MEIKIN: variants seen among roughly 807,000 people sequenced by gnomAD.
MEIKIN encodes meiotic kinetochore factor.
intron 2 of MEIKIN, 78 bp from the exon 3 acceptor site, chr5:131,944,830 T>C (rs890236195): frequency 2.5e-6 from 1 of 398,992 alleles, no homozygotes; most frequent in Non-Finnish European, 4.4e-6. Context: ...CTTTAGAATC[T>C]GAAAGGCTCT....
At chr5:131,845,406 C>T (rs765952790) in intron 11 of MEIKIN, among the ~76,000 whole-genome samples, 1 of 131,712 alleles carries the variant, frequency 7.6e-6, no homozygotes, top group Non-Finnish European at 1.6e-5. Context: ...ATAAAAGAAA[C>T]AGAAAAGTAT....
At chr5:131,927,189 A>C (rs1277109071) in intron 5 of MEIKIN, among the ~76,000 whole-genome samples, 1 of 152,130 alleles carries the variant, frequency 6.6e-6, no homozygotes, top group African/African-American at 2.4e-5. Context: ...CTTTCATCCG[A>C]AGATATTTTC....
At chr5:131,872,868 T>G (rs988238910) in intron 9 of MEIKIN, among the ~76,000 whole-genome samples, 4 of 152,212 alleles carry the variant, frequency 2.6e-5, no homozygotes, top group African/African-American at 9.6e-5. Context: ...AAAAGAATTT[T>G]CAACCCAGCA....
intron 3 of MEIKIN, among the ~76,000 whole-genome samples, chr5:131,944,111 C>CAAAAAAAAAAAAAAAAAA (rs530605601): frequency 1.5e-5 from 1 of 67,838 alleles, no homozygotes; most frequent in South Asian, 4.8e-4. Context: ...ACTCTGTCTC[C>CAAAAAAAAAAAAAAAAAA]AAAAAAAAAA....
In MEIKIN at chr5:131,889,945, C is replaced by T. The variant is rs535039813; in HGVS notation, c.704-10897G>A. On this transcript the variant is annotated intron_variant, in intron 8 of 12. Transcript: ENST00000442687. ...AAGGGTTGTTGAATTTTGTCAAAGGCCTTTTCTGCATCTATTGAGATCATC... is the reference window on the plus strand; with the variant it reads ...AAGGGTTGTTGAATTTTGTCAAAGGTCTTTTCTGCATCTATTGAGATCATC... Among the ~76,000 whole-genome samples, 8 of 152,182 alleles carry T rather than the reference C, an allele frequency of 5.3e-5. No homozygotes were observed. In the South Asian group the frequency reaches 1.7e-3, roughly 32 times the overall value.
At chr5:131,864,372 T>C (rs1021774198) in intron 9 of MEIKIN, among the ~76,000 whole-genome samples, 2 of 152,206 alleles carry the variant, frequency 1.3e-5, no homozygotes, top group Non-Finnish European at 2.9e-5. Context: ...TGATAGTAAC[T>C]ATCATCATTT....
intron 9 of MEIKIN, among the ~76,000 whole-genome samples, chr5:131,868,894 G>A (rs1271325431): frequency 6.6e-6 from 1 of 152,134 alleles, no homozygotes; most frequent in African/African-American, 2.4e-5. Flanking sequence ...TATCAGATAT[G>A]TCTTTTGCAA....
intron 11 of MEIKIN, among the ~76,000 whole-genome samples, chr5:131,827,890 C>T (rs1302344522): frequency 2.0e-5 from 3 of 151,822 alleles, no homozygotes; most frequent in African/African-American, 7.3e-5. Flanking sequence ...TCAATAAATT[C>T]CAAAATAATT....
intron 8 of MEIKIN, among the ~76,000 whole-genome samples, chr5:131,911,203 C>T (rs1244720006): frequency 1.3e-5 from 2 of 151,962 alleles, no homozygotes; most frequent in Non-Finnish European, 1.5e-5. Context: ...TTAGTAAATG[C>T]TCATTAAGAT....
At chr5:131,871,678 C>T (rs1750503369) in intron 9 of MEIKIN, among the ~76,000 whole-genome samples, 1 of 152,202 alleles carries the variant, frequency 6.6e-6, no homozygotes, top group South Asian at 2.1e-4. Flanking sequence ...AGCTTGAGAT[C>T]TGAGAATGGG....
intron 8 of MEIKIN, among the ~76,000 whole-genome samples, chr5:131,886,483 C>A (rs1411183847): frequency 6.6e-6 from 1 of 152,144 alleles, no homozygotes; most frequent in Non-Finnish European, 1.5e-5. Flanking sequence ...AACCTACACT[C>A]CAGGGGAGAA....
At chr5:131,839,815 G>T (rs1749872330) in intron 11 of MEIKIN, among the ~76,000 whole-genome samples, 1 of 152,146 alleles carries the variant, frequency 6.6e-6, no homozygotes, top group South Asian at 2.1e-4. Flanking sequence ...TTGCCATTAT[G>T]TGCCTTTTAA....
intron 9 of MEIKIN, among the ~76,000 whole-genome samples, chr5:131,868,136 C>G (rs945073114): frequency 5.9e-5 from 9 of 152,286 alleles, no homozygotes; most frequent in African/African-American, 1.9e-4. Flanking sequence ...GTTGCCCAGG[C>G]TGGAGAGCAG....
At chr5:131,810,566 G>C (rs1355120854) in intron 12 of MEIKIN, among the ~76,000 whole-genome samples, 1 of 152,156 alleles carries the variant, frequency 6.6e-6, no homozygotes, top group Non-Finnish European at 1.5e-5. Context: ...CTAATGAAAT[G>C]GTTCTCAAAT....
chr5:131,916,282 A>C (rs1480810353), intron 7 of MEIKIN, among the ~76,000 whole-genome samples: 1 of 152,232 alleles, frequency 6.6e-6, no homozygotes, highest in African/African-American at 2.4e-5. Flanking sequence ...CACCCAAAAA[A>C]ACAGCTAACA....
chr5:131,897,253 C>G (rs1751068639), intron 8 of MEIKIN, among the ~76,000 whole-genome samples: 1 of 152,246 alleles, frequency 6.6e-6, no homozygotes, highest in Non-Finnish European at 1.5e-5. Context: ...AAGAGATCCA[C>G]TGTTAGTCTG....
intron 4 of MEIKIN, among the ~76,000 whole-genome samples, chr5:131,941,424 G>C (rs897394476): frequency 2.7e-5 from 4 of 150,054 alleles, no homozygotes; most frequent in Non-Finnish European, 5.9e-5. Context: ...CTCTCAAAGT[G>C]CTGGGATTAT....
chr5:131,893,636 C>T (rs914491001), intron 8 of MEIKIN, among the ~76,000 whole-genome samples: 4 of 152,202 alleles, frequency 2.6e-5, no homozygotes, highest in African/African-American at 4.8e-5. Context: ...GAGATGAACC[C>T]GGTACCTCAA....
chr5:131,812,688 T>C (rs751558918), intron 12 of MEIKIN, among the ~76,000 whole-genome samples: 23 of 152,032 alleles, frequency 1.5e-4, no homozygotes, highest in Admixed American at 1.2e-3. Flanking sequence ...AAGAGAATCA[T>C]CTGCAATAGG....
Sources: allele counts gnomAD v4.1 joint callset (sites outside exome capture counted in the v4.1 genomes callset), GRCh38; gene constraint gnomAD v4.1.1; transcripts MANE v1.5; gene names NCBI Gene and HGNC (gene_info 2026-07-23, HGNC 2026-07-21).